SLCO2B1: variants seen among roughly 807,000 people sequenced by gnomAD.
SLCO2B1 encodes OATP-RP2.
A neutral mutation model predicts 67.3 loss-of-function variants in SLCO2B1; 41 were observed. That is an observed-to-expected ratio of 0.61 (90% CI 0.47 to 0.79). The LOEUF is 0.79. Ranked by LOEUF, SLCO2B1 falls within the 30% of genes least tolerant of loss-of-function variation. SLCO2B1 has a pLI of 0.00. For synonymous variants in SLCO2B1, 379 were observed against 381.4 expected (o/e 0.99, Z 0.07); for missense variants, 837 against 920.1 (o/e 0.91, Z 1.17).
chr11:75,179,689 G>C (rs1469877383), intron 7 of SLCO2B1, among the ~76,000 whole-genome samples: 1 of 152,010 alleles, frequency 6.6e-6, no homozygotes, highest in Non-Finnish European at 1.5e-5. Context: ...TCATTTCTTT[G>C]TGTTTCAAAT....
At chr11:75,154,698 T>C (rs746159259) in intron 1 of SLCO2B1, among the ~76,000 whole-genome samples, 1 of 152,220 alleles carries the variant, frequency 6.6e-6, no homozygotes, top group African/African-American at 2.4e-5. Context: ...TCCCAGCCTG[T>C]GCCTGGTGAA....
intron 2 of SLCO2B1, among the ~76,000 whole-genome samples, 151 bp from the exon 3 acceptor site, chr11:75,163,808 CTCTG>C (rs1231022784): frequency 6.6e-6 from 1 of 151,960 alleles, no homozygotes; most frequent in Non-Finnish European, 1.5e-5. Context: ...TTTGGTCTCT[CTCTG>C]TCTCTCTTCT....
intron 7 of SLCO2B1, among the ~76,000 whole-genome samples, chr11:75,179,621 T>G (rs1232977915): frequency 6.6e-6 from 1 of 152,180 alleles, no homozygotes. Context: ...AAGAAAGAAT[T>G]TATCATTTCT....
At chr11:75,197,592 T>C (rs1945119013) in intron 10 of SLCO2B1, among the ~76,000 whole-genome samples, 1 of 152,148 alleles carries the variant, frequency 6.6e-6, no homozygotes, top group African/African-American at 2.4e-5. Context: ...TGGGAAGCCA[T>C]GGATGGGTTT....
At chr11:75,202,827 C>T in intron 11 of SLCO2B1, 74 bp from the exon 12 acceptor site, 1 of 1,305,988 alleles carries the variant, frequency 7.7e-7, no homozygotes, top group Non-Finnish European at 1.1e-6. Context: ...AATAAGAACC[C>T]TTCAACGTTG....
chr11:75,184,035 G>GT (rs1950119087), intron 7 of SLCO2B1, among the ~76,000 whole-genome samples: 2 of 152,204 alleles, frequency 1.3e-5, no homozygotes, highest in Non-Finnish European at 2.9e-5. Context: ...TGGAAAGGTA[G>GT]TTCCGCTAGA....
At position 75,203,387 on chromosome 11, in the gene SLCO2B1, G is replaced by T. The variant is rs1240718536; in HGVS notation, c.1909G>T (p.Ala637Ser). 3.7e-6 allele frequency: 6 copies of T among 1,614,060 alleles called. No individual in the cohort carries two copies. In the East Asian group the frequency reaches 1.3e-4, roughly 36 times the overall value. The change falls in exon 13 of 14, where the codon GCT (alanine) becomes TCT (serine). Residue 637 changes from alanine to serine, a missense_variant. Ala to Ser is a moderately conservative substitution (Grantham distance 99). Transcript: ENST00000289575. ...VHWALSCGRR[A>S]VCRYYNNDLL... Reference sequence around the variant, plus strand: ...CTGGGCCCTGAGCTGTGGGCGTCGAGCTGTCTGTCGCTACTACAATAATGA... The same window carrying T: ...CTGGGCCCTGAGCTGTGGGCGTCGATCTGTCTGTCGCTACTACAATAATGA...
rs561140005 is a variant in SLCO2B1, at chr11:75,167,895, C to CTTTTT, written c.449-1266_449-1262dup. Among the ~76,000 whole-genome samples the CTTTTT allele has an allele frequency of 1.3e-3, 170 of 134,416 alleles. 1 individual carries two copies. The highest frequency in any genetic ancestry group is 4.3e-3 in the African/African-American group (156 of 36,100). 88.2% of individuals were successfully genotyped at this position (134,416 alleles called of 152,430 possible). On this transcript the variant is annotated intron_variant, in intron 4 of 13. Coordinates refer to ENST00000289575, the MANE Select transcript of SLCO2B1 (RefSeq NM_007256.5). ...ATCTGGAGAACTTTGTTCTTTCTTT[C>CTTTTT]TTTTTTTTTTTTTTTTGAGATGGAG...
At chr11:75,160,635 G>A (rs1452748500) in intron 1 of SLCO2B1, among the ~76,000 whole-genome samples, 3 of 152,164 alleles carry the variant, frequency 2.0e-5, no homozygotes, top group African/African-American at 7.2e-5. Context: ...CTCTTCCCTA[G>A]GCCAATTTCC....
rs760216101 is a variant in SLCO2B1 at position 75,202,977 on chromosome 11, G to T, written c.1828+12G>T. 6.2e-7 allele frequency: 1 copy of T among 1,612,644 alleles called. No homozygotes were observed. Among genetic ancestry groups the T allele is most frequent in the African/African-American group, 1.3e-5 (1 of 74,860 alleles). On this transcript the variant is annotated intron_variant, in intron 12 of 13. Transcript: ENST00000289575. The stretch of plus-strand genomic sequence containing the variant: ...CCTGAGGATTTTGGGTAAAGATCTT[G>T]CTTGGGACCATTGGTGGTGGTGATG...
At chr11:75,174,441 T>C (rs1304336642) in intron 7 of SLCO2B1, among the ~76,000 whole-genome samples, 1 of 152,154 alleles carries the variant, frequency 6.6e-6, no homozygotes, top group Admixed American at 6.5e-5. Context: ...AAGCCGTGCA[T>C]TGGCAGTGAG....
intron 3 of SLCO2B1, 81 bp downstream of exon 3, chr11:75,164,181 C>G: frequency 2.0e-6 from 3 of 1,474,452 alleles, no homozygotes; most frequent in South Asian, 1.3e-5. Flanking sequence ...CTCTCACTAC[C>G]CTACCTTAAG....
rs1949931884 is a variant in SLCO2B1, at chr11:75,169,314, C to A, written c.590C>A (p.Thr197Asn). 2 of 1,614,160 alleles carry A rather than the reference C, an allele frequency of 1.2e-6. No individual in the cohort carries two copies. Among genetic ancestry groups the A allele is most frequent in the East Asian group, 2.2e-5 (1 of 44,868 alleles). Reference protein sequence around the residue: ...SVVGIMFVAQTLLGVGGVPIQ... With the variant: ...SVVGIMFVAQNLLGVGGVPIQ... Reference sequence around the variant, plus strand: ...GTGGGGATCATGTTCGTGGCACAGACCCTGCTGGGCGTGGGCGGGGTGCCC... The same window carrying A: ...GTGGGGATCATGTTCGTGGCACAGAACCTGCTGGGCGTGGGCGGGGTGCCC... Residue 197 changes from threonine (T) to asparagine (N), a missense_variant, in exon 5 of 14, where the codon ACC becomes AAC. Coordinates refer to ENST00000289575, the MANE Select transcript of SLCO2B1 (RefSeq NM_007256.5).
intron 1 of SLCO2B1, among the ~76,000 whole-genome samples, chr11:75,157,677 C>T (rs979864654): frequency 3.3e-5 from 5 of 152,176 alleles, no homozygotes; most frequent in Admixed American, 2.6e-4. Flanking sequence ...AAAGGCCTTA[C>T]CTCTTTGAGG....
intron 2 of SLCO2B1, 30 bp downstream of exon 2, chr11:75,162,815 G>A (rs777809036): frequency 1.9e-6 from 3 of 1,601,272 alleles, no homozygotes; most frequent in East Asian, 2.2e-5. Context: ...AGGGGCCTCC[G>A]AGTCTAGAAG....
At chr11:75,165,981 A>T in intron 4 of SLCO2B1, 32 bp downstream of exon 4, 1 of 1,602,256 alleles carries the variant, frequency 6.2e-7, no homozygotes, top group Non-Finnish European at 8.5e-7. Context: ...CAGGAGTGGG[A>T]CGTTAGCCTC....
intron 8 of SLCO2B1, among the ~76,000 whole-genome samples, chr11:75,191,300 C>T (rs1267588806): frequency 3.3e-5 from 5 of 152,138 alleles, no homozygotes; most frequent in Non-Finnish European, 7.4e-5. Context: ...CTGGACCATG[C>T]CAGATTGAAA....
chr11:75,193,765 A>G lies in SLCO2B1; in HGVS notation c.1433+190A>G, dbSNP rs976312712. ...TCCAGAAGGCTCCAGGGTAGGTGTC[A>G]GGCACCACTGGAAGGGGCATGGATG... On this transcript the variant is annotated intron_variant, in intron 9 of 13. Coordinates refer to ENST00000289575, the MANE Select transcript of SLCO2B1 (RefSeq NM_007256.5). This position sits in a 1 kb window ranked among gnomAD's most constrained non-coding sequence, Gnocchi z 4.2. Among the ~76,000 whole-genome samples the G allele has an allele frequency of 1.3e-5, 2 of 152,216 alleles. No individual in the cohort carries two copies. Among genetic ancestry groups the G allele is most frequent in the Non-Finnish European group, 2.9e-5 (2 of 68,020 alleles).
In SLCO2B1 at chr11:75,172,437, C is replaced by T. The variant is rs1410240438; in HGVS notation, c.840C>T (p.Phe280=). ...GGGTGGGTGCCTGGTGGCTGGGTTT[C>T]CTCATCGCTGCCGGTGCAGTGGCCC... ...PRWVGAWWLG[F]LIAAGAVALA... The change falls in exon 7 of 14, where the codon TTC becomes TTT. Residue 280 remains phenylalanine, a synonymous_variant. Transcript: ENST00000289575. 2.5e-6 allele frequency: 4 copies of T among 1,614,194 alleles called. 1 individual carries two copies. The highest frequency in any genetic ancestry group is 3.3e-4 in the Middle Eastern group (2 of 6,060).
Sources: allele counts gnomAD v4.1 joint callset (sites outside exome capture counted in the v4.1 genomes callset), GRCh38; gene constraint gnomAD v4.1.1; non-coding constraint Gnocchi (gnomAD v3.1); transcripts MANE v1.5; gene names NCBI Gene and HGNC (gene_info 2026-07-23, HGNC 2026-07-21).